CPSF3: variants seen among roughly 807,000 people sequenced by gnomAD.
CPSF3 encodes cleavage and polyadenylation specific factor 3.
Under a neutral mutation model 84.1 loss-of-function variants are expected in CPSF3, and 57 were observed. The observed-to-expected ratio is 0.68, with a 90% CI of 0.55 to 0.85. CPSF3 has a LOEUF of 0.85. CPSF3 is among the 40% of genes least tolerant of loss of function. The pLI is 0.00. For missense variants in CPSF3, 522 were observed against 838.8 expected (o/e 0.62, Z 4.66); for synonymous variants, 275 against 278.1 (o/e 0.99, Z 0.11).
chr2:9,438,283 T>C (rs1338731020), intron 7 of CPSF3, among the ~76,000 whole-genome samples: 1 of 152,202 alleles, frequency 6.6e-6, no homozygotes, highest in African/African-American at 2.4e-5. Flanking sequence ...CCTTCCTAAC[T>C]GCAAGTCAAA....
chr2:9,445,928 ATG>A (rs1224150739), intron 10 of CPSF3, among the ~76,000 whole-genome samples: 2 of 152,232 alleles, frequency 1.3e-5, no homozygotes, highest in Non-Finnish European at 2.9e-5. Flanking sequence ...GACACTGTAT[ATG>A]TGTTTTATAT....
chr2:9,428,008 T>C (rs2148933227), intron 1 of CPSF3, among the ~76,000 whole-genome samples: 1 of 151,532 alleles, frequency 6.6e-6, no homozygotes, highest in East Asian at 1.9e-4. Flanking sequence ...TTTTTTTTTT[T>C]TTTTTTGAGG....
At chr2:9,445,633 T>G (rs1245989584) in intron 10 of CPSF3, among the ~76,000 whole-genome samples, 2 of 152,154 alleles carry the variant, frequency 1.3e-5, no homozygotes, top group Non-Finnish European at 2.9e-5. Context: ...CAGGTGTTTC[T>G]TATTGTCTGT....
intron 6 of CPSF3, 81 bp downstream of exon 6, chr2:9,434,041 C>A: frequency 1.3e-6 from 1 of 797,912 alleles, no homozygotes; most frequent in Non-Finnish European, 2.1e-6. Context: ...TGTGATCTCA[C>A]TTTCATAATA....
intron 15 of CPSF3, among the ~76,000 whole-genome samples, chr2:9,465,832 GAACAT>G (rs1681886927): frequency 6.6e-6 from 1 of 152,114 alleles, no homozygotes; most frequent in Non-Finnish European, 1.5e-5. Context: ...AGTCTGTTAT[GAACAT>G]GAAATGAAAT....
chr2:9,440,430 T>G, intron 7 of CPSF3, 61 bp from the exon 8 acceptor site: 13 of 1,343,804 alleles, frequency 9.7e-6, no homozygotes, highest in Non-Finnish European at 1.4e-5. Context: ...GTATCATTTG[T>G]TATTTGAACT....
intron 16 of CPSF3, among the ~76,000 whole-genome samples, chr2:9,469,091 A>G (rs1396022226): frequency 2.0e-5 from 3 of 152,182 alleles, no homozygotes; most frequent in Admixed American, 6.5e-5. Context: ...AGGCACAGTG[A>G]TTACCATGGC....
chr2:9,467,921 A>G, intron 16 of CPSF3, 145 bp downstream of exon 16: 1 of 637,426 alleles, frequency 1.6e-6, no homozygotes, highest in South Asian at 1.9e-5. Flanking sequence ...CTGTTAGGAA[A>G]GAGAGGGGCT....
chr2:9,448,467 C>A, intron 11 of CPSF3, 117 bp downstream of exon 11: 1 of 841,046 alleles, frequency 1.2e-6, no homozygotes, highest in Non-Finnish European at 1.8e-6. Flanking sequence ...CTACTTGTTA[C>A]ACTACAGGAA....
intron 12 of CPSF3, 63 bp downstream of exon 12, chr2:9,453,084 ACTT>A: frequency 1.0e-6 from 1 of 985,316 alleles, no homozygotes; most frequent in East Asian, 2.6e-5. Context: ...ATCTATGAAA[ACTT>A]CTCTTCACCT....
chr2:9,449,410 AGT>A (rs1681240501), intron 11 of CPSF3, among the ~76,000 whole-genome samples: 1 of 151,994 alleles, frequency 6.6e-6, no homozygotes, highest in African/African-American at 2.4e-5. Flanking sequence ...TGAGTGACAG[AGT>A]GAGACTGTGT....
At chr2:9,472,877 G>C (rs1017390992) in intron 17 of CPSF3, 39 bp from the exon 18 acceptor site, 3 of 1,275,136 alleles carry the variant, frequency 2.4e-6, no homozygotes, top group Non-Finnish European at 3.4e-6. Context: ...AATCATTATA[G>C]ACTTAATTCT....
chr2:9,470,576 C>T (rs1189823167), intron 16 of CPSF3, among the ~76,000 whole-genome samples: 1 of 152,210 alleles, frequency 6.6e-6, no homozygotes, highest in Admixed American at 6.5e-5. Flanking sequence ...GCTACTAGCA[C>T]AGAAGGAATC....
chr2:9,447,873 A>G (rs58294722), intron 10 of CPSF3, among the ~76,000 whole-genome samples: 12,186 of 152,246 alleles, frequency 0.08, 1,614 homozygotes, highest in African/African-American at 0.27. Context: ...ACTAGAAGAG[A>G]CTACAGAAGT....
chr2:9,468,901 G>A (rs1010140086), intron 16 of CPSF3, among the ~76,000 whole-genome samples: 1 of 152,034 alleles, frequency 6.6e-6, no homozygotes, highest in African/African-American at 2.4e-5. Context: ...GCTGGGATTA[G>A]AGGTGTGAAC....
intron 7 of CPSF3, among the ~76,000 whole-genome samples, chr2:9,436,774 A>AAATAATAATAAT (rs70948816): frequency 7.7e-4 from 110 of 143,032 alleles, no homozygotes; most frequent in Admixed American, 2.4e-3. Context: ...CCATCTCAAA[A>AAATAATAATAAT]AATAATAATA....
chr2:9,454,071 G>A (rs969907789), intron 12 of CPSF3, among the ~76,000 whole-genome samples: 1 of 152,046 alleles, frequency 6.6e-6, no homozygotes. Context: ...TGCTCAAGGT[G>A]ATTTACATGG....
At chr2:9,466,266 AGACG>A (rs1460377449) in intron 15 of CPSF3, among the ~76,000 whole-genome samples, 5 of 43,864 alleles carry the variant, frequency 1.1e-4, no homozygotes, top group African/African-American at 3.3e-4. Flanking sequence ...ACGCACACAA[AGACG>A]CACGCACACA....
At chr2:9,432,384 C>A in intron 4 of CPSF3, 127 bp from the exon 5 acceptor site, 2 of 587,996 alleles carry the variant, frequency 3.4e-6, no homozygotes, top group East Asian at 3.3e-5. Context: ...ATTTTAAATA[C>A]ATGATTCATA....
Sources: allele counts gnomAD v4.1 joint callset (sites outside exome capture counted in the v4.1 genomes callset), GRCh38; gene constraint gnomAD v4.1.1; transcripts MANE v1.5; gene names NCBI Gene and HGNC (gene_info 2026-07-23, HGNC 2026-07-21).